CAMSAP3: variants seen among roughly 807,000 people sequenced by gnomAD.
CAMSAP3 encodes calmodulin-regulated spectrin-associated protein 3.
CAMSAP3 carries 34 observed loss-of-function variants against 112.5 expected under a neutral mutation model. That is an observed-to-expected ratio of 0.30 (90% confidence interval 0.23 to 0.40). The LOEUF is 0.40. Among genes scored for constraint, CAMSAP3 ranks in the 10% least tolerant of loss-of-function variants. CAMSAP3 has a pLI of 1.00. For synonymous variants in CAMSAP3, 868 were observed against 799.8 expected (o/e 1.09, Z -1.44); for missense variants, 1,602 against 1,770.3 (o/e 0.90, Z 1.71).
chr19:7,614,472 G>A (rs1271901390), intron 11 of CAMSAP3, among the ~76,000 whole-genome samples: 1 of 151,144 alleles, frequency 6.6e-6, no homozygotes, highest in African/African-American at 2.4e-5. Context: ...TCACCCTCCT[G>A]AGTAGCTGGG....
chr19:7,612,767 C>G lies in CAMSAP3; in HGVS notation c.2274C>G (p.Ser758Arg), dbSNP rs754226028. The change falls in exon 11 of 17, where the codon AGC (serine) becomes AGG (arginine). Residue 758 changes from serine (S) to arginine (R), a missense_variant. By Grantham distance (110) the Ser-to-Arg change is moderately radical. Transcript: ENST00000160298. ...CGGGGCCCAAAGCTGCATCCCCCAG[C>G]CCCGCCCGGCGAGTCCCGGCCACCC... ...PTTGPKAASPSPARRVPATRR... is the reference protein window; with the variant it reads ...PTTGPKAASPRPARRVPATRR... The G allele has an allele frequency of 2.6e-6, 4 of 1,531,022 alleles. No individual in the cohort carries two copies. The highest frequency in any genetic ancestry group is 1.2e-5 in the South Asian group (1 of 83,682). The allele number at this position is 1,531,022 out of a possible 1,614,324, so 94.8% of individuals were successfully genotyped here. A position where few individuals can be genotyped will look rare whatever the true frequency, so the allele number is the denominator to read the frequency against.
intron 1 of CAMSAP3, among the ~76,000 whole-genome samples, chr19:7,597,788 A>C (rs555583395): frequency 4.6e-5 from 7 of 152,058 alleles, no homozygotes; most frequent in Non-Finnish European, 8.8e-5. Context: ...TCAGAGTAGA[A>C]ATTATCCCAT....
Position 7,618,221 on chromosome 19 carries a change from G to GCTGGGAGGTTCAGGGACTCAGGGCT in CAMSAP3, c.*166_*190dup. ...AGTCCAGTCCTGCTGTGGGGGCTGA[G>GCTGGGAGGTTCAGGGACTCAGGGCT]CTGGGAGGTTCAGGGACTCAGGGCT... On this transcript the variant is annotated 3_prime_UTR_variant, in exon 17 of 17. Coordinates refer to ENST00000160298, the MANE Select transcript of CAMSAP3 (RefSeq NM_020902.2). 1.4e-6 allele frequency: 1 copy of GCTGGGAGGTTCAGGGACTCAGGGCT among 735,872 alleles called. No individual in the cohort carries two copies. Among genetic ancestry groups the GCTGGGAGGTTCAGGGACTCAGGGCT allele is most frequent in the Non-Finnish European group, 2.2e-6 (1 of 460,514 alleles). The allele number at this position is 735,872 out of a possible 1,614,324, so 45.6% of individuals were successfully genotyped here.
At position 7,615,642 on chromosome 19, in the gene CAMSAP3, G is replaced by C; in HGVS notation, c.3035G>C (p.Gly1012Ala). The C allele has an allele frequency of 7.0e-7, 1 of 1,431,450 alleles. No individual in the cohort carries two copies. Among genetic ancestry groups the C allele is most frequent in the Non-Finnish European group, 9.1e-7 (1 of 1,096,738 alleles). 88.7% of individuals were successfully genotyped at this position (1,431,450 alleles called of 1,614,324 possible). Reference sequence around the variant, plus strand: ...GGGTCCGGGGGTCCAGGTCGGGGCGGGCGGAGGGCCACCCGGCCTCGCTCG... The same window carrying C: ...GGGTCCGGGGGTCCAGGTCGGGGCGCGCGGAGGGCCACCCGGCCTCGCTCG... Reference protein sequence around the residue: ...AAGSGGPGRGGRRATRPRSGC... With the variant: ...AAGSGGPGRGARRATRPRSGC... The change falls in exon 13 of 17, where the codon GGG becomes GCG. Residue 1012 changes from glycine to alanine, a missense_variant. Around this residue, in one of 6 missense-constraint regions of CAMSAP3, gnomAD observed 1,100 missense variants for 1,135.7 expected, o/e 0.97. Coordinates refer to ENST00000160298, the MANE Select transcript of CAMSAP3 (RefSeq NM_020902.2). The surrounding 1 kb of genome is among the most constrained non-coding windows in gnomAD (Gnocchi z 6.5).
rs1173068955 is a variant in CAMSAP3 at position 7,614,259 on chromosome 19, C to CAAAAAAAAAAAA, written c.2671-911_2671-900dup. ...TGGGCAACAGAGCGAGACTCCATCT[C>CAAAAAAAAAAAA]AAAAAAAAAAAAAAAAAAAAAAAAG... is the stretch of plus-strand genomic sequence containing the variant. On this transcript the variant is annotated intron_variant, in intron 11 of 16. Coordinates refer to ENST00000160298, the MANE Select transcript of CAMSAP3 (RefSeq NM_020902.2). Among the ~76,000 whole-genome samples the CAAAAAAAAAAAA allele has an allele frequency of 2.1e-4, 4 of 18,772 alleles. 1 individual carries two copies. Among genetic ancestry groups the CAAAAAAAAAAAA allele is most frequent in the Non-Finnish European group, 2.6e-4 (3 of 11,342 alleles). 12.3% of individuals were successfully genotyped at this position (18,772 alleles called of 152,430 possible).
At position 7,612,032 on chromosome 19, in the gene CAMSAP3, C is replaced by G. The variant is rs1291836531; in HGVS notation, c.1539C>G (p.Pro513=). 5 of 1,612,932 alleles carry G rather than the reference C, an allele frequency of 3.1e-6. No homozygotes were observed. The highest frequency in any genetic ancestry group is 4.2e-6 in the Non-Finnish European group (5 of 1,179,870). The change falls in exon 11 of 17, where the codon CCC becomes CCG. Residue 513 remains proline, a synonymous_variant. Transcript: ENST00000160298. ...EGTSKPLSDR[P]TKAPVYMPHP... ...CCTCCAAACCACTGTCCGACAGGCC[C>G]ACCAAAGCACCAGTGTACATGCCAC...
intron 1 of CAMSAP3, among the ~76,000 whole-genome samples, chr19:7,596,798 C>T (rs1231949969): frequency 6.6e-6 from 1 of 152,148 alleles, no homozygotes; most frequent in African/African-American, 2.4e-5. Context: ...GGGAGGTTGG[C>T]GAGCCCAGCT....
rs781393872 is a variant in CAMSAP3, at chr19:7,618,065, C to A, written c.*8C>A. Reference sequence around the variant, plus strand: ...GGCGGCACCCCCAAATAGCCCCACCCGGGCGGTCCACGGGCCGGGCCCTGT... The same window carrying A: ...GGCGGCACCCCCAAATAGCCCCACCAGGGCGGTCCACGGGCCGGGCCCTGT... On this transcript the variant is annotated 3_prime_UTR_variant, in exon 17 of 17. Transcript: ENST00000160298. The A allele has an allele frequency of 1.2e-6, 2 of 1,608,092 alleles. No homozygotes were observed. The highest frequency in any genetic ancestry group is 2.2e-5 in the South Asian group (2 of 90,788).
At chr19:7,604,421 C>T (rs993030531) in intron 1 of CAMSAP3, among the ~76,000 whole-genome samples, 2 of 152,104 alleles carry the variant, frequency 1.3e-5, no homozygotes, top group African/African-American at 4.8e-5. Context: ...CTCAAAGCCC[C>T]TCACATTCAA....
At chr19:7,597,664 C>T (rs547229902) in intron 1 of CAMSAP3, among the ~76,000 whole-genome samples, 12 of 152,334 alleles carry the variant, frequency 7.9e-5, no homozygotes, top group South Asian at 6.2e-4. Flanking sequence ...CAGAATTCTT[C>T]GCGTGGCACG....
In CAMSAP3 at chr19:7,611,557, C is replaced by T. The variant is rs201369058; in HGVS notation, c.1164C>T (p.Ala388=). 48 of 1,612,610 alleles carry T rather than the reference C, an allele frequency of 3.0e-5. No homozygotes were observed. The highest frequency in any genetic ancestry group is 8.3e-5 in the Admixed American group (5 of 59,988). Residue 388 remains alanine, a synonymous_variant, in exon 10 of 17, where the codon GCC becomes GCT. Transcript: ENST00000160298. This position sits in a 1 kb window ranked among gnomAD's most constrained non-coding sequence, Gnocchi z 6.9. Reference sequence around the variant, plus strand: ...CCCCGTCCATGTCCCATATGGAGGCCCTGGGCAAGGCCTGGAACCGGCAGC... The same window carrying T: ...CCCCGTCCATGTCCCATATGGAGGCTCTGGGCAAGGCCTGGAACCGGCAGC... The part of the protein sequence containing the change: ...KSSPSMSHME[A]LGKAWNRQLS...
Position 7,611,030 on chromosome 19 carries a change from T to TCCC in CAMSAP3, c.1050-61_1050-59dup. ...GACGCAGCTGGGTGATGCTGTTGTC[T>TCCC]CCCCCCGGGGAGAGGCGGAGGAGGA... is the stretch of plus-strand genomic sequence containing the variant. On this transcript the variant is annotated intron_variant, in intron 8 of 16. Coordinates refer to ENST00000160298, the MANE Select transcript of CAMSAP3 (RefSeq NM_020902.2). The surrounding 1 kb of genome is among the most constrained non-coding windows in gnomAD (Gnocchi z 6.9). The TCCC allele has an allele frequency of 6.3e-7, 1 of 1,598,846 alleles. No homozygotes were observed. Among genetic ancestry groups the TCCC allele is most frequent in the Non-Finnish European group, 8.6e-7 (1 of 1,168,134 alleles).
Position 7,613,034 on chromosome 19 carries a change from G to T in CAMSAP3, c.2541G>T (p.Pro847=), listed in dbSNP as rs778743271. 3.9e-6 allele frequency: 6 copies of T among 1,554,218 alleles called. No homozygotes were observed. Among genetic ancestry groups the T allele is most frequent in the Non-Finnish European group, 4.3e-6 (5 of 1,150,552 alleles). ...CCCGGCCGGGCCTCATCGAGATCCC[G>T]CTGGGCAGCCTGGCAGATCCCGCCG... ...PAARPGLIEI[P]LGSLADPAAE... is the part of the protein sequence containing the mutation. The change falls in exon 11 of 17, where the codon CCG becomes CCT. Residue 847 remains proline (P), a synonymous_variant. Transcript: ENST00000160298.
intron 5 of CAMSAP3, among the ~76,000 whole-genome samples, chr19:7,608,620 T>C (rs1376814531): frequency 6.6e-6 from 1 of 151,142 alleles, no homozygotes; most frequent in Admixed American, 6.7e-5. Context: ...GATACTAAGT[T>C]TATCCAAAAG....
rs1482305767 is a variant in CAMSAP3, at chr19:7,610,970, G to A, written c.1049+39G>A. ...ACTGGGCGAGTCTCTGGCATTGTGG[G>A]TGTGGGGCTCCATGTCTGCCTTGCT... is the stretch of plus-strand genomic sequence containing the variant. On this transcript the variant is annotated intron_variant, in intron 8 of 16. Transcript: ENST00000160298. This position sits in a 1 kb window ranked among gnomAD's most constrained non-coding sequence, Gnocchi z 4.9. The A allele has an allele frequency of 6.3e-7, 1 of 1,575,990 alleles. No individual in the cohort carries two copies. The highest frequency in any genetic ancestry group is 8.6e-7 in the Non-Finnish European group (1 of 1,156,248).
chr19:7,607,694 G>T lies in CAMSAP3; in HGVS notation c.622-432G>T. 1 of 400,724 alleles carries T rather than the reference G, an allele frequency of 2.5e-6. No individual in the cohort carries two copies. The highest frequency in any genetic ancestry group is 4.6e-6 in the Non-Finnish European group (1 of 215,756). The allele number at this position is 400,724 out of a possible 1,614,324, so 24.8% of individuals were successfully genotyped here. ...GGGGTTCGCGAAGCCGGCCAGAGCA[G>T]TCAGGGAGCTGGACGGCCGGGGCTC... On this transcript the variant is annotated intron_variant, in intron 4 of 16. Coordinates refer to ENST00000160298, the MANE Select transcript of CAMSAP3 (RefSeq NM_020902.2). The surrounding 1 kb of genome is among the most constrained non-coding windows in gnomAD (Gnocchi z 4.9).
At position 7,608,216 on chromosome 19, in the gene CAMSAP3, C is replaced by T. The variant is rs755039336; in HGVS notation, c.712C>T (p.Leu238=). Residue 238 remains leucine, a synonymous_variant, in exon 5 of 17, where the codon CTG becomes TTG. Transcript: ENST00000160298. ...CCAGGACCTGGCCAGTGGGGCCGCG[C>T]TGGCCGCCACCATCCACTGCTATTG... ...SLQDLASGAA[L]AATIHCYCPQ... 1 of 1,612,752 alleles carries T rather than the reference C, an allele frequency of 6.2e-7. No individual in the cohort carries two copies. The highest frequency in any genetic ancestry group is 1.1e-5 in the South Asian group (1 of 91,080).
Position 7,595,945 on chromosome 19 carries a change from GCAGCC to G in CAMSAP3, c.-44_-40del, listed in dbSNP as rs535200484. On this transcript the variant is annotated 5_prime_UTR_variant, in exon 1 of 17. Coordinates refer to ENST00000160298, the MANE Select transcript of CAMSAP3 (RefSeq NM_020902.2). ...GGCCCGGCTGGGGCGCGAGCGCGGC[GCAGCC>G]CAGCCCAGCCCAGTCCGAGCGCGGA... 20,683 of 904,338 alleles carry G rather than the reference GCAGCC, an allele frequency of 0.023. 274 individuals are homozygous for G. The highest frequency in any genetic ancestry group is 0.026 in the Non-Finnish European group (19,258 of 751,850). The allele number at this position is 904,338 out of a possible 1,614,324, so 56.0% of individuals were successfully genotyped here.
chr19:7,606,745 C>T (rs1202093404), intron 4 of CAMSAP3, 174 bp downstream of exon 4: 2 of 1,613,710 alleles, frequency 1.2e-6, no homozygotes, highest in Admixed American at 1.7e-5. Context: ...TGCCGGTACC[C>T]GCTGCCCTCC....
Sources: gnomAD v4.1 joint callset for allele counts (sites outside exome capture counted in the v4.1 genomes callset) on GRCh38, gnomAD v4.1.1 for gene constraint, gnomAD v4.1.1 regional missense constraint, Gnocchi (gnomAD v3.1) non-coding constraint, MANE v1.5 for transcripts, NCBI Gene and HGNC (gene_info 2026-07-23, HGNC 2026-07-21) for gene names.